Variants in KIF16B observed in about 807,000 individuals in gnomAD.
The protein encoded by KIF16B is kinesin family member 16B.
Under a neutral mutation model 156.3 loss-of-function variants are expected in KIF16B, and 98 were observed. That is an observed-to-expected ratio of 0.63 (90% confidence interval 0.53 to 0.74). The LOEUF is 0.74. Among genes scored for constraint, KIF16B ranks in the 30% least tolerant of loss-of-function variants. The probability of loss-of-function intolerance (pLI) is 0.00; values close to 1 mark genes in which losing one functional copy is unlikely to be tolerated. For synonymous variants in KIF16B, 564 were observed against 583.7 expected (o/e 0.97, Z 0.49); for missense variants, 1,421 against 1,606.5 (o/e 0.88, Z 1.97).
intron 24 of KIF16B, among the ~76,000 whole-genome samples, chr20:16,317,931 C>T (rs752437003): frequency 3.2e-4 from 49 of 152,182 alleles, no homozygotes; most frequent in Non-Finnish European, 5.1e-4. Context: ...AGGCAGGAGA[C>T]GCCAGAGAGC....
intron 7 of KIF16B, 128 bp downstream of exon 7, chr20:16,507,830 A>G (rs970460266): frequency 9.4e-6 from 9 of 957,162 alleles, no homozygotes; most frequent in Admixed American, 2.4e-5. Context: ...CTAATTAACA[A>G]GAAAATGACA....
chr20:16,274,544 C>T (rs2122234836), intron 25 of KIF16B, among the ~76,000 whole-genome samples: 1 of 152,346 alleles, frequency 6.6e-6, no homozygotes, highest in South Asian at 2.1e-4. Context: ...TTATTATTGT[C>T]TCAGTGTGCT....
chr20:16,526,182 G>T lies in KIF16B; in HGVS notation c.141C>A (p.Asp47Glu). Residue 47 changes from aspartate to glutamate, a missense_variant, in exon 3 of 26, where the codon GAC becomes GAA. By Grantham distance (45) the Asp-to-Glu change is conservative (BLOSUM62 2). Transcript: ENST00000354981. ...NLKIPEGGTG[D>E]SGRERTKTFT... Reference sequence around the variant, plus strand: ...AGGTCTTGGTCCGTTCTCTTCCTGAGTCCCCAGTGCCTCCTTCTGGTATCT... The same window carrying T: ...AGGTCTTGGTCCGTTCTCTTCCTGATTCCCCAGTGCCTCCTTCTGGTATCT... 2 of 1,595,698 alleles carry T rather than the reference G, an allele frequency of 1.3e-6. No homozygotes were observed. Among genetic ancestry groups the T allele is most frequent in the Non-Finnish European group, 1.7e-6 (2 of 1,169,250 alleles).
At chr20:16,511,270 A>G (rs1176289093) in intron 6 of KIF16B, 148 bp downstream of exon 6, 2 of 445,390 alleles carry the variant, frequency 4.5e-6, no homozygotes, top group Non-Finnish European at 8.0e-6. Context: ...AACATCATGT[A>G]GTGACAGCTC....
chr20:16,534,755 G>C (rs1356706543), intron 1 of KIF16B, among the ~76,000 whole-genome samples: 1 of 151,980 alleles, frequency 6.6e-6, no homozygotes, highest in East Asian at 1.9e-4. Flanking sequence ...CCAGCATCAT[G>C]AAGAGAGCCC....
intron 12 of KIF16B, among the ~76,000 whole-genome samples, chr20:16,459,639 T>C (rs1335700195): frequency 3.3e-5 from 5 of 152,208 alleles, no homozygotes; most frequent in African/African-American, 1.2e-4. Flanking sequence ...GTGCTTGGAT[T>C]TGTTTAAATT....
At chr20:16,552,374 C>T (rs886433704) in intron 1 of KIF16B, among the ~76,000 whole-genome samples, 1 of 152,240 alleles carries the variant, frequency 6.6e-6, no homozygotes, top group Non-Finnish European at 1.5e-5. Context: ...GGTATCATCC[C>T]AGCATATGCA....
At chr20:16,452,693 G>A (rs2067113822) in intron 12 of KIF16B, among the ~76,000 whole-genome samples, 1 of 152,022 alleles carries the variant, frequency 6.6e-6, no homozygotes, top group Admixed American at 6.6e-5. Flanking sequence ...AAATTAGCTG[G>A]GCGTGGTGGT....
chr20:16,327,021 GTATA>G (rs1298436386), intron 24 of KIF16B, among the ~76,000 whole-genome samples: 1 of 142,396 alleles, frequency 7.0e-6, no homozygotes, highest in East Asian at 2.0e-4. Context: ...ATATGTGTGT[GTATA>G]TATATACACA....
rs1359294558 is a variant in KIF16B at position 16,379,658 on chromosome 20, C to A, written c.2344G>T (p.Gly782Trp). The A allele has an allele frequency of 6.2e-7, 1 of 1,614,186 alleles. No individual in the cohort carries two copies. Among genetic ancestry groups the A allele is most frequent in the South Asian group, 1.1e-5 (1 of 91,086 alleles). The change falls in exon 19 of 26, where the codon GGG becomes TGG. Residue 782 changes from glycine to tryptophan, a missense_variant. Coordinates refer to ENST00000354981, the MANE Select transcript of KIF16B (RefSeq NM_024704.5). ...TCCTCTTCCACCCACTGTACCTCCC[C>A]ACGCCGCAGGAGCTGGATCATCTCC... ...KQEMIQLLRR[G>W]EVQWVEEEKR...
At chr20:16,461,106 C>G (rs540457673) in intron 12 of KIF16B, among the ~76,000 whole-genome samples, 24 of 151,736 alleles carry the variant, frequency 1.6e-4, no homozygotes, top group African/African-American at 5.8e-4. Context: ...ATAAGACATG[C>G]AGACGTTAAT....
intron 20 of KIF16B, among the ~76,000 whole-genome samples, chr20:16,373,717 G>C (rs1448710330): frequency 6.6e-6 from 1 of 152,174 alleles, no homozygotes; most frequent in Non-Finnish European, 1.5e-5. Flanking sequence ...TGTGCTGGAT[G>C]AGCTGCTTTC....
At chr20:16,438,084 T>A (rs8125188) in intron 12 of KIF16B, among the ~76,000 whole-genome samples, 19,016 of 152,040 alleles carry the variant, frequency 0.13, 1,321 homozygotes, top group Non-Finnish European at 0.17. Context: ...GAGGAGGACG[T>A]TGCAGTGAGC....
chr20:16,312,461 G>A (rs1477777735), intron 24 of KIF16B, 43 bp from the exon 25 acceptor site: 3 of 1,290,214 alleles, frequency 2.3e-6, no homozygotes, highest in Non-Finnish European at 3.4e-6. Flanking sequence ...TAGCATACCT[G>A]TTAATTGTTG....
chr20:16,403,862 G>C (rs1357111181), intron 17 of KIF16B, among the ~76,000 whole-genome samples: 1 of 152,210 alleles, frequency 6.6e-6, no homozygotes, highest in Non-Finnish European at 1.5e-5. Context: ...GGTTGGGGGT[G>C]AGGGAGCAAT....
intron 1 of KIF16B, among the ~76,000 whole-genome samples, chr20:16,568,010 G>A (rs867861472): frequency 3.9e-5 from 6 of 152,174 alleles, no homozygotes; most frequent in South Asian, 2.1e-4. Context: ...GATACTTCCC[G>A]TCCTTAATAC....
intron 1 of KIF16B, among the ~76,000 whole-genome samples, chr20:16,566,313 G>A (rs745936119): frequency 1.3e-4 from 20 of 152,272 alleles, no homozygotes; most frequent in African/African-American, 4.6e-4. Context: ...CTTGCGTCAC[G>A]GAGTGGTGGC....
intron 14 of KIF16B, among the ~76,000 whole-genome samples, chr20:16,427,643 T>C (rs752482678): frequency 1.1e-4 from 16 of 151,996 alleles, no homozygotes; most frequent in Non-Finnish European, 2.1e-4. Context: ...AAGTGCTCCA[T>C]GGGTCGAGGA....
chr20:16,369,759 T>C (rs1199918935), intron 22 of KIF16B, among the ~76,000 whole-genome samples: 2 of 152,226 alleles, frequency 1.3e-5, no homozygotes, highest in Non-Finnish European at 2.9e-5. Flanking sequence ...GGGGATCAAA[T>C]GTTCCCATGA....
Sources: allele counts gnomAD v4.1 joint callset (sites outside exome capture counted in the v4.1 genomes callset), GRCh38; gene constraint gnomAD v4.1.1; transcripts MANE v1.5; gene names NCBI Gene and HGNC (gene_info 2026-07-23, HGNC 2026-07-21).